The following PCDHGA9 variants were observed in gnomAD, a reference collection of about 807,000 sequenced individuals.
PCDHGA9 encodes the protein protocadherin gamma subfamily A, 9, also known as protocadherin gamma-A9.
Under a neutral mutation model 62.5 loss-of-function variants are expected in PCDHGA9, and 37 were observed. The observed-to-expected ratio is 0.59, with a 90% CI of 0.46 to 0.78. The LOEUF is 0.78. PCDHGA9 is among the 30% of genes least tolerant of loss of function. The probability of loss-of-function intolerance (pLI) is 0.00; values close to 1 mark genes in which losing one functional copy is unlikely to be tolerated. For missense variants in PCDHGA9, 1,138 were observed against 1,166.2 expected (o/e 0.98, Z 0.35); for synonymous variants, 459 against 484.6 (o/e 0.95, Z 0.69).
chr5:141,456,633 C>CT (rs1229637837), intron 1 of PCDHGA9, among the ~76,000 whole-genome samples: 1 of 152,182 alleles, frequency 6.6e-6, no homozygotes, highest in Non-Finnish European at 1.5e-5. Context: ...CTCTTCTTTA[C>CT]TACAGGTGTT....
At chr5:141,417,772 C>A (rs2240701) in intron 1 of PCDHGA9, 340,590 of 1,455,726 alleles carry the variant, frequency 0.23, 43,476 homozygotes, top group African/African-American at 0.5. Flanking sequence ...GGGACTCCTC[C>A]TGTCCTGGGC....
intron 1 of PCDHGA9, chr5:141,409,276 G>T: frequency 6.2e-7 from 1 of 1,614,000 alleles, no homozygotes; most frequent in Non-Finnish European, 8.5e-7. Flanking sequence ...AGATTTTGGA[G>T]AATTCACCTC....
rs1212381177 is a variant in PCDHGA9 at position 141,438,571 on chromosome 5, TATACATAC to T, written c.2424+33211_2424+33218del. On this transcript the variant is annotated intron_variant, in intron 1 of 3. Coordinates refer to ENST00000573521, the MANE Select transcript of PCDHGA9 (RefSeq NM_018921.3). Reference sequence around the variant, plus strand: ...GCCCTAATAAGAGGCAGCTGTCTGATATACATACATACATACATACATATATATATATA... The same window carrying T: ...GCCCTAATAAGAGGCAGCTGTCTGATATACATACATACATATATATATATA... Among the ~76,000 whole-genome samples the T allele has an allele frequency of 2.8e-4, 26 of 94,536 alleles. 1 individual carries two copies. Among genetic ancestry groups the T allele is most frequent in the South Asian group, 1.0e-3 (3 of 2,950 alleles). 62.0% of individuals were successfully genotyped at this position (94,536 alleles called of 152,430 possible). A position where few individuals can be genotyped will look rare whatever the true frequency, so the allele number is the denominator to read the frequency against.
rs1019219811 is a variant in PCDHGA9, at chr5:141,420,399, T to G, written c.2424+15023T>G. ...AGAGTTCGCAAAATATAGGTCAAAT[T>G]TATGGTTATCATTATTAAAACAAAA... On this transcript the variant is annotated intron_variant, in intron 1 of 3. Transcript: ENST00000573521. 5.6e-6 allele frequency: 7 copies of G among 1,257,080 alleles called. No individual in the cohort carries two copies. In the Admixed American group the frequency reaches 1.8e-4, roughly 32 times the overall value. 77.9% of individuals were successfully genotyped at this position (1,257,080 alleles called of 1,614,324 possible).
At chr5:141,437,983 A>C (rs544812394) in intron 1 of PCDHGA9, among the ~76,000 whole-genome samples, 1 of 152,056 alleles carries the variant, frequency 6.6e-6, no homozygotes, top group Admixed American at 6.5e-5. Context: ...GGATGCACCC[A>C]CCCCACCTCA....
chr5:141,507,851 C>T (rs570052933), intron 3 of PCDHGA9, among the ~76,000 whole-genome samples: 48 of 152,322 alleles, frequency 3.2e-4, no homozygotes, highest in African/African-American at 1.1e-3. Context: ...CCTGCTCTCA[C>T]TTTCACACCC....
Position 141,436,164 on chromosome 5 carries a change from A to G in PCDHGA9, c.2424+30788A>G, listed in dbSNP as rs896845015. Among the ~76,000 whole-genome samples, 8 of 152,188 alleles carry G rather than the reference A, an allele frequency of 5.3e-5. No homozygotes were observed. The East Asian group carries it at 1.3e-3, about 26-fold the overall frequency. ...AACTACCAAAATGTTTATCATATGG[A>G]CAGTTCTCATATATAGTCAAATAGA... On this transcript the variant is annotated intron_variant, in intron 1 of 3. Transcript: ENST00000573521.
At chr5:141,446,128 G>T (rs1242643475) in intron 1 of PCDHGA9, among the ~76,000 whole-genome samples, 1 of 152,188 alleles carries the variant, frequency 6.6e-6, no homozygotes, top group Admixed American at 6.5e-5. Context: ...GGTTCAATAA[G>T]ACTTAATAAT....
chr5:141,500,520 T>A (rs2099801106), intron 2 of PCDHGA9, among the ~76,000 whole-genome samples: 1 of 152,194 alleles, frequency 6.6e-6, no homozygotes, highest in South Asian at 2.1e-4. Context: ...AGCTTCATTT[T>A]AAAAAAATCT....
chr5:141,418,819 A>T (rs1285247926), intron 1 of PCDHGA9: 1 of 1,613,868 alleles, frequency 6.2e-7, no homozygotes, highest in African/African-American at 1.3e-5. Context: ...TAAACATAGA[A>T]GCAAAAGACC....
chr5:141,409,751 C>G lies in PCDHGA9; in HGVS notation c.2424+4375C>G, dbSNP rs774810318. The G allele has an allele frequency of 1.5e-5, 25 of 1,613,000 alleles. No homozygotes were observed. In the Admixed American group the frequency reaches 4.0e-4, roughly 26 times the overall value. The stretch of plus-strand genomic sequence containing the variant: ...CGCGCAGAGCGGGGTGGTGTTCGCG[C>G]AGCGCGCCTTTGATCACGAGCAGCT... On this transcript the variant is annotated intron_variant, in intron 1 of 3. Coordinates refer to ENST00000573521, the MANE Select transcript of PCDHGA9 (RefSeq NM_018921.3).
In PCDHGA9 at chr5:141,500,452, G is replaced by A. The variant is rs554196222; in HGVS notation, c.2484-4941G>A. 2.6e-3 allele frequency among the ~76,000 whole-genome samples: 398 copies of A among 151,620 alleles called. 2 individuals carry two copies. The highest frequency in any genetic ancestry group is 0.021 in the South Asian group (99 of 4,798). On this transcript the variant is annotated intron_variant, in intron 2 of 3. Transcript: ENST00000573521. ...TCTCGATCTCCTGACCTCGTGATCC[G>A]CCCGCCTCGGCCTCCCAAAGTGCTG... is the stretch of plus-strand genomic sequence containing the variant.
chr5:141,442,702 T>G (rs1301940560), intron 1 of PCDHGA9, among the ~76,000 whole-genome samples: 6 of 152,224 alleles, frequency 3.9e-5, no homozygotes, highest in Non-Finnish European at 8.8e-5. Context: ...GACAAGAGTA[T>G]CAGACATGCC....
chr5:141,403,604 G>C lies in PCDHGA9; in HGVS notation c.652G>C (p.Gly218Arg). 2 of 1,613,768 alleles carry C rather than the reference G, an allele frequency of 1.2e-6. No homozygotes were observed. The highest frequency in any genetic ancestry group is 1.7e-6 in the Non-Finnish European group (2 of 1,179,886). Reference sequence around the variant, plus strand: ...CCTGGTCCTCACGGCCTCGGATGGCGGCGAGCCGCGTCGCTCCAGCACAGT... The same window carrying C: ...CCTGGTCCTCACGGCCTCGGATGGCCGCGAGCCGCGTCGCTCCAGCACAGT... ...HHLVLTASDG[G>R]EPRRSSTVRI... Residue 218 changes from glycine (G) to arginine (R), a missense_variant, in exon 1 of 4, where the codon GGC becomes CGC. Transcript: ENST00000573521.
intron 1 of PCDHGA9, chr5:141,415,051 C>G: frequency 6.2e-7 from 1 of 1,613,458 alleles, no homozygotes; most frequent in Non-Finnish European, 8.5e-7. Context: ...GGTGGGGGAG[C>G]ACACGGGCGA....
chr5:141,413,286 C>G, intron 1 of PCDHGA9: 1 of 1,613,968 alleles, frequency 6.2e-7, no homozygotes, highest in Non-Finnish European at 8.5e-7. Flanking sequence ...AGATCTCCTA[C>G]TCAATTCCTG....
At chr5:141,458,219 C>T (rs2098940224) in intron 1 of PCDHGA9, among the ~76,000 whole-genome samples, 1 of 152,248 alleles carries the variant, frequency 6.6e-6, no homozygotes, top group African/African-American at 2.4e-5. Flanking sequence ...AATAAGTTTC[C>T]TTTCCCAGTC....
rs751145850 is a variant in PCDHGA9 at position 141,432,148 on chromosome 5, G to A, written c.2424+26772G>A. The A allele has an allele frequency of 6.1e-5, 99 of 1,613,884 alleles. No individual in the cohort carries two copies. The Admixed American group carries it at 1.5e-3, about 24-fold the overall frequency. On this transcript the variant is annotated intron_variant, in intron 1 of 3. Transcript: ENST00000573521. The surrounding 1 kb of genome is among the most constrained non-coding windows in gnomAD (Gnocchi z 6.0). ...CCTCCTATTCCGCTTATATCCCAGA[G>A]AACAATCCCAGAGGAGTTTCCCTCG...
At chr5:141,421,700 C>A (rs755518757) in intron 1 of PCDHGA9, 2 of 1,613,900 alleles carry the variant, frequency 1.2e-6, no homozygotes, top group Non-Finnish European at 1.7e-6. Flanking sequence ...CTTCCTAATG[C>A]TAGGGATCCA....
Sources: gnomAD v4.1 joint callset for allele counts (sites outside exome capture counted in the v4.1 genomes callset) on GRCh38, gnomAD v4.1.1 for gene constraint, Gnocchi (gnomAD v3.1) non-coding constraint, MANE v1.5 for transcripts, NCBI Gene and HGNC (gene_info 2026-07-23, HGNC 2026-07-21) for gene names.